PRSS23: variants seen among roughly 807,000 people sequenced by gnomAD.
PRSS23 encodes the protein serine protease 23, also known as protease, serine 23.
A neutral mutation model predicts 34.7 loss-of-function variants in PRSS23; 25 were observed. That is an observed-to-expected ratio of 0.72 (90% CI 0.53 to 1.01). The LOEUF (loss-of-function observed/expected upper bound fraction) is 1.01, where lower values mean the gene tolerates loss of function less well. Among genes scored for constraint, PRSS23 ranks in the 50% least tolerant of loss-of-function variants. The pLI is 0.00. For synonymous variants in PRSS23, 176 were observed against 186.6 expected (o/e 0.94, Z 0.46); for missense variants, 445 against 475.6 (o/e 0.94, Z 0.60).
chr11:86,845,222 T>A (rs1344298125), intron 2 of PRSS23, among the ~76,000 whole-genome samples: 1 of 152,040 alleles, frequency 6.6e-6, no homozygotes, highest in Non-Finnish European at 1.5e-5. Context: ...CCACGCAAAA[T>A]ATAGACTCTG....
At chr11:86,869,956 T>G (rs1156265108) in intron 2 of PRSS23, among the ~76,000 whole-genome samples, 1 of 152,220 alleles carries the variant, frequency 6.6e-6, no homozygotes, top group Non-Finnish European at 1.5e-5. Context: ...TTAACTGATT[T>G]GCACAAGATT....
chr11:86,907,106 A>G (rs925792466), intron 2 of PRSS23, among the ~76,000 whole-genome samples: 1 of 152,204 alleles, frequency 6.6e-6, no homozygotes, highest in South Asian at 2.1e-4. Context: ...ACTGGGCCCA[A>G]TTAATGATTT....
At chr11:86,841,339 CAA>C (rs58223921) in intron 2 of PRSS23, among the ~76,000 whole-genome samples, 1 of 103,712 alleles carries the variant, frequency 9.6e-6, no homozygotes, top group Admixed American at 1.1e-4. Flanking sequence ...AACTCCATCT[CAA>C]AAAAAAAAAA....
chr11:86,905,060 C>T (rs1309472077), intron 2 of PRSS23, among the ~76,000 whole-genome samples: 1 of 151,998 alleles, frequency 6.6e-6, no homozygotes, highest in Admixed American at 6.6e-5. Flanking sequence ...TGTCTCAAAA[C>T]AGCAACAAAA....
intron 1 of PRSS23, among the ~76,000 whole-genome samples, chr11:86,817,509 G>A (rs182532912): frequency 2.6e-5 from 4 of 152,244 alleles, no homozygotes; most frequent in African/African-American, 4.8e-5. Flanking sequence ...GATTGTCACC[G>A]TATTCTAGAA....
intron 2 of PRSS23, among the ~76,000 whole-genome samples, chr11:86,939,433 A>AAAATATATATATATATATATATAT (rs1565392858): frequency 2.1e-5 from 1 of 48,126 alleles, no homozygotes; most frequent in Non-Finnish European, 6.0e-5. Flanking sequence ...TATATTTTTT[A>AAAATATATATATATATATATATAT]ACATGAGTAA....
rs1301334906 is a variant in PRSS23, at chr11:86,840,947, A to G, written c.206+17354A>G. On this transcript the variant is annotated intron_variant, in intron 2 of 2. Transcript: ENST00000533902. Reference sequence around the variant, plus strand: ...CACACAACATACCAGAATCTCTGGGACACATTTAAAGCAGTGTGTAGAGGG... The same window carrying G: ...CACACAACATACCAGAATCTCTGGGGCACATTTAAAGCAGTGTGTAGAGGG... Among the ~76,000 whole-genome samples the G allele has an allele frequency of 1.3e-5, 2 of 150,890 alleles. 1 individual carries two copies. Among genetic ancestry groups the G allele is most frequent in the Non-Finnish European group, 3.0e-5 (2 of 67,632 alleles).
At chr11:86,863,747 T>G (rs1391139787) in intron 2 of PRSS23, among the ~76,000 whole-genome samples, 1 of 151,982 alleles carries the variant, frequency 6.6e-6, no homozygotes, top group African/African-American at 2.4e-5. Context: ...AGCAACTCCT[T>G]AAAATGTTTT....
chr11:86,929,335 C>CAAA (rs1190134043), intron 2 of PRSS23, among the ~76,000 whole-genome samples: 8 of 133,092 alleles, frequency 6.0e-5, no homozygotes, highest in African/African-American at 2.2e-4. Context: ...AAAAAAAAAA[C>CAAA]AAAAAAAAAA....
upstream of PRSS23, among the ~76,000 whole-genome samples, chr11:86,798,937 T>G (rs1948000179): frequency 6.6e-6 from 1 of 152,192 alleles, no homozygotes; most frequent in Non-Finnish European, 1.5e-5. Flanking sequence ...TCAAGCAATC[T>G]GCCCACTTTG....
At chr11:86,876,615 C>G (rs1948725774) in intron 2 of PRSS23, among the ~76,000 whole-genome samples, 1 of 152,146 alleles carries the variant, frequency 6.6e-6, no homozygotes, top group African/African-American at 2.4e-5. Flanking sequence ...AATGCAGACT[C>G]TTAGGCCCCA....
chr11:86,801,210 G>T (rs1025780523), intron 1 of PRSS23, among the ~76,000 whole-genome samples: 1 of 152,182 alleles, frequency 6.6e-6, no homozygotes, highest in Admixed American at 6.5e-5. Context: ...CGTTCCGGGG[G>T]TGCTAACCCT....
chr11:86,911,947 T>A (rs1948981161), intron 2 of PRSS23: 1 of 152,208 alleles, frequency 6.6e-6, no homozygotes, highest in Non-Finnish European at 1.5e-5. Flanking sequence ...CCAGCTAATT[T>A]TTTTATTTTT....
At position 86,893,449 on chromosome 11, in the gene PRSS23, T is replaced by C. The variant is rs1324680055; in HGVS notation, c.207-57767T>C. Among the ~76,000 whole-genome samples the C allele has an allele frequency of 4.6e-5, 7 of 152,342 alleles. No homozygotes were observed. The East Asian group carries it at 1.3e-3, about 29-fold the overall frequency. On this transcript the variant is annotated intron_variant, in intron 2 of 2. Transcript: ENST00000533902. ...CCACTAAATTGATTTCCGACCCACT[T>C]ATTTGTTGTGACTCATGATTGGGAG... is the stretch of plus-strand genomic sequence containing the variant.
intron 2 of PRSS23, among the ~76,000 whole-genome samples, chr11:86,830,863 T>C (rs575551840): frequency 5.3e-4 from 81 of 152,214 alleles, no homozygotes; most frequent in African/African-American, 1.9e-3. Context: ...CCTCCTAATG[T>C]CATCAGGGGT....
intron 2 of PRSS23, among the ~76,000 whole-genome samples, chr11:86,895,355 AT>A (rs1396179948): frequency 6.6e-6 from 1 of 152,046 alleles, no homozygotes; most frequent in African/African-American, 2.4e-5. Context: ...TTGCAAGGTT[AT>A]GATGACATAT....
chr11:86,796,417 G>A (rs1038348837), upstream of PRSS23, among the ~76,000 whole-genome samples: 17 of 152,056 alleles, frequency 1.1e-4, no homozygotes, highest in South Asian at 1.3e-3. Context: ...CGAGGCGGGC[G>A]GATCACGAGG....
intron 2 of PRSS23, among the ~76,000 whole-genome samples, chr11:86,881,007 T>G (rs998221052): frequency 5.9e-5 from 9 of 152,214 alleles, no homozygotes; most frequent in African/African-American, 2.2e-4. Context: ...TTTTGCTTCT[T>G]CCTTTCCAAT....
chr11:86,839,449 A>C (rs1948431311), intron 2 of PRSS23, among the ~76,000 whole-genome samples: 2 of 152,232 alleles, frequency 1.3e-5, no homozygotes, highest in South Asian at 2.1e-4. Flanking sequence ...ATATGGGGCT[A>C]TGTGAAAAGA....
Sources: allele counts gnomAD v4.1 joint callset (sites outside exome capture counted in the v4.1 genomes callset), GRCh38; gene constraint gnomAD v4.1.1; transcripts MANE v1.5; gene names NCBI Gene and HGNC (gene_info 2026-07-23, HGNC 2026-07-21).